The following MAP4K2 variants were observed in gnomAD, a reference collection of about 807,000 sequenced individuals.
The protein encoded by MAP4K2 is mitogen-activated protein kinase kinase kinase kinase 2.
In MAP4K2, 85 loss-of-function variants were observed where a neutral mutation model predicts 125.3. The observed-to-expected ratio is 0.68, with a 90% CI of 0.57 to 0.81. The LOEUF (loss-of-function observed/expected upper bound fraction) is 0.81, where lower values mean the gene tolerates loss of function less well. MAP4K2 is among the 40% of genes least tolerant of loss of function. The pLI is 0.00. For missense variants in MAP4K2, 923 were observed against 1,056.4 expected (o/e 0.87, Z 1.75); for synonymous variants, 479 against 445.1 (o/e 1.08, Z -0.96).
At chr11:64,790,492 G>GC (rs746465394) in intron 27 of MAP4K2, 30 bp from the exon 28 acceptor site, 23 of 1,608,024 alleles carry the variant, frequency 1.4e-5, no homozygotes, top group Non-Finnish European at 1.7e-5. Context: ...ACATGGCCTG[G>GC]CTGAGCCACC....
chr11:64,802,449 CGCAGAACTCCAT>C lies in MAP4K2; in HGVS notation c.268_279del (p.Met90_Cys93del). Reference sequence around the variant, plus strand: ...TAAATCTCCTGCAGGGAGCCCCCTCCGCAGAACTCCATGCAGATCCACAAGCGGTCATTCCTA... The same window carrying C: ...TAAATCTCCTGCAGGGAGCCCCCTCCGCAGATCCACAAGCGGTCATTCCTA... On this transcript the variant is annotated inframe_deletion, in exon 4 of 32. Transcript: ENST00000294066. 6.6e-7 allele frequency: 1 copy of C among 1,505,536 alleles called. No homozygotes were observed. The highest frequency in any genetic ancestry group is 8.9e-7 in the Non-Finnish European group (1 of 1,126,936). The allele number at this position is 1,505,536 out of a possible 1,614,324, so 93.3% of individuals were successfully genotyped here. A position where few individuals can be genotyped will look rare whatever the true frequency, so the allele number is the denominator to read the frequency against.
At position 64,796,339 on chromosome 11, in the gene MAP4K2, C is replaced by T. The variant is rs565633083; in HGVS notation, c.1685G>A (p.Arg562Gln). Reference protein sequence around the residue: ...AHDLPGLFEQRRLQQQVPLSI... With the variant: ...AHDLPGLFEQQRLQQQVPLSI... The stretch of plus-strand genomic sequence containing the variant: ...GAGGGGAACCTGTTGCTGTAGCCTC[C>T]GCTGCTCAAACAGGCCTGGGAGGTC... Residue 562 changes from arginine (R) to glutamine (Q), a missense_variant, in exon 24 of 32, where the codon CGG becomes CAG. Physicochemically the swap from Arg to Gln is conservative, Grantham distance 43 (BLOSUM62 1). Around this residue, in one of 2 missense-constraint regions of MAP4K2, gnomAD observed 833 missense variants for 911.4 expected, o/e 0.91. Coordinates refer to ENST00000294066, the MANE Select transcript of MAP4K2 (RefSeq NM_004579.5). 6 of 1,563,968 alleles carry T rather than the reference C, an allele frequency of 3.8e-6. No individual in the cohort carries two copies. Among genetic ancestry groups the T allele is most frequent in the Non-Finnish European group, 4.3e-6 (5 of 1,154,126 alleles).
Position 64,799,481 on chromosome 11 carries a change from T to C in MAP4K2, c.995-2A>G. 1.2e-6 allele frequency: 2 copies of C among 1,610,828 alleles called. No homozygotes were observed. Among genetic ancestry groups the C allele is most frequent in the Non-Finnish European group, 1.7e-6 (2 of 1,179,072 alleles). On this transcript the variant is annotated splice_acceptor_variant, in intron 13 of 31. Transcript: ENST00000294066. LOFTEE classifies it high-confidence loss of function. ...GGGCGCCAAATTTCACCTGGTGAAC[T>C]GGGGGGCCCAGAGTACAAGAGTGAA...
At chr11:64,799,542 C>T (rs1387714858) in intron 13 of MAP4K2, 63 bp from the exon 14 acceptor site, 1 of 1,612,028 alleles carries the variant, frequency 6.2e-7, no homozygotes, top group African/African-American at 1.3e-5. Context: ...CTACTCACAC[C>T]AAATCCATGT....
intron 15 of MAP4K2, 112 bp downstream of exon 15, chr11:64,798,682 A>G (rs1376818815): frequency 1.8e-6 from 2 of 1,138,166 alleles, no homozygotes; most frequent in Non-Finnish European, 2.6e-6. Context: ...TGATCCACCC[A>G]CCTCAGCCTC....
At position 64,796,545 on chromosome 11, in the gene MAP4K2, T is replaced by C. The variant is rs757280511; in HGVS notation, c.1581A>G (p.Ser527=). ...CGCAGTAGAGCCAGGAGCAGCGATGTGAAATCAGCTGGAGGCCACAGAGGG... is the reference window on the plus strand; with the variant it reads ...CGCAGTAGAGCCAGGAGCAGCGATGCGAAATCAGCTGGAGGCCACAGAGGG... ...LHEDTLEKLI[S]HRCSWLYCVN... The change falls in exon 23 of 32, where the codon TCA becomes TCG. Residue 527 remains serine (S), a synonymous_variant. Coordinates refer to ENST00000294066, the MANE Select transcript of MAP4K2 (RefSeq NM_004579.5). The C allele has an allele frequency of 2.5e-6, 4 of 1,613,774 alleles. No homozygotes were observed. The South Asian group carries it at 4.4e-5, about 18-fold the overall frequency.
Position 64,796,260 on chromosome 11 carries a change from C to G in MAP4K2, c.1751+13G>C. Reference sequence around the variant, plus strand: ...CTCTGCCTCCCGCTCCCTGCACGCCCAAGATCCCTGACCTGGGGATGATGC... The same window carrying G: ...CTCTGCCTCCCGCTCCCTGCACGCCGAAGATCCCTGACCTGGGGATGATGC... On this transcript the variant is annotated intron_variant, in intron 24 of 31. Transcript: ENST00000294066. 6.6e-7 allele frequency: 1 copy of G among 1,522,240 alleles called. No homozygotes were observed. The highest frequency in any genetic ancestry group is 8.8e-7 in the Non-Finnish European group (1 of 1,136,606). 94.3% of individuals were successfully genotyped at this position (1,522,240 alleles called of 1,614,324 possible).
chr11:64,802,833 C>T (rs952136661), intron 2 of MAP4K2, 52 bp downstream of exon 2: 1 of 1,564,572 alleles, frequency 6.4e-7, no homozygotes, highest in Non-Finnish European at 8.7e-7. Flanking sequence ...CACCCCGCGC[C>T]CGCGGGCGCT....
chr11:64,800,292 C>T lies in MAP4K2; in HGVS notation c.807+19G>A. On this transcript the variant is annotated intron_variant, in intron 11 of 31. Coordinates refer to ENST00000294066, the MANE Select transcript of MAP4K2 (RefSeq NM_004579.5). ...TGCTTTTGAGTACTGGGCCTCTCTC[C>T]CGGCCCCCTGCCTCCCACCTGCAGG... The T allele has an allele frequency of 6.2e-7, 1 of 1,613,652 alleles. No individual in the cohort carries two copies. The highest frequency in any genetic ancestry group is 8.5e-7 in the Non-Finnish European group (1 of 1,179,892).
intron 31 of MAP4K2, 27 bp downstream of exon 31, chr11:64,789,703 A>C (rs1009197536): frequency 2.5e-6 from 4 of 1,613,830 alleles, no homozygotes; most frequent in Admixed American, 3.3e-5. Context: ...GGGCATCTGA[A>C]GGGGAGGCTA....
In MAP4K2 at chr11:64,802,819, C is replaced by T. The variant is rs569987843; in HGVS notation, c.154+66G>A. 3.9e-6 allele frequency: 6 copies of T among 1,540,138 alleles called. No individual in the cohort carries two copies. The African/African-American group carries it at 5.5e-5, about 14-fold the overall frequency. On this transcript the variant is annotated intron_variant, in intron 2 of 31. Transcript: ENST00000294066. ...GGGTCTCGGAAACGTCAACCCTCCG[C>T]CCGCACCCCGCGCCCGCGGGCGCTC...
intron 15 of MAP4K2, among the ~76,000 whole-genome samples, chr11:64,798,114 C>A (rs1940940238): frequency 6.6e-6 from 1 of 152,088 alleles, no homozygotes; most frequent in Non-Finnish European, 1.5e-5. Flanking sequence ...ACCTCAGCCA[C>A]CCTAGTAGCT....
chr11:64,800,948 A>G lies in MAP4K2; in HGVS notation c.614T>C (p.Ile205Thr). 1 of 1,614,006 alleles carries G rather than the reference A, an allele frequency of 6.2e-7. No homozygotes were observed. The highest frequency in any genetic ancestry group is 8.5e-7 in the Non-Finnish European group (1 of 1,179,986). ...AGGGGGCTGCAGCTCGCCCAGCTCA[A>G]TGGCAGTGATGCCCAGGGCCCAGAC... ...CDVWALGITA[I>T]ELGELQPPLF... The change falls in exon 9 of 32, where the codon ATT becomes ACT. Residue 205 changes from isoleucine (I) to threonine (T), a missense_variant. By Grantham distance (89) the Ile-to-Thr change is moderately conservative. Around this residue, in one of 2 missense-constraint regions of MAP4K2, gnomAD observed 833 missense variants for 911.4 expected, o/e 0.91. Transcript: ENST00000294066.
Position 64,789,185 on chromosome 11 carries a change from G to T in MAP4K2, c.*352C>A. The T allele has an allele frequency of 2.8e-6, 1 of 352,668 alleles. No homozygotes were observed. Among genetic ancestry groups the T allele is most frequent in the Non-Finnish European group, 5.4e-6 (1 of 186,530 alleles). The allele number at this position is 352,668 out of a possible 1,614,324, so 21.8% of individuals were successfully genotyped here. A position where few individuals can be genotyped will look rare whatever the true frequency, so the allele number is the denominator to read the frequency against. On this transcript the variant is annotated 3_prime_UTR_variant, in exon 32 of 32. Coordinates refer to ENST00000294066, the MANE Select transcript of MAP4K2 (RefSeq NM_004579.5). ...AATATAGTTCTCTCTTAAATACCGT[G>T]TTTCCCAGGACAAATGCAGGGGCAG...
In MAP4K2 at chr11:64,798,838, CTG is replaced by C. The variant is rs759474084; in HGVS notation, c.1054-3_1054-2del. The stretch of plus-strand genomic sequence containing the variant: ...CCAGTAGTGTCCACTCTTCCTCCCA[CTG>C]GGGGAAACCAAGGTAGAGACCGGGG... On this transcript the variant is annotated splice_acceptor_variant and splice_polypyrimidine_tract_variant and intron_variant, in intron 14 of 31. Transcript: ENST00000294066. LOFTEE classifies it high-confidence loss of function. 1 of 1,601,058 alleles carries C rather than the reference CTG, an allele frequency of 6.2e-7. No individual in the cohort carries two copies. Among genetic ancestry groups the C allele is most frequent in the Non-Finnish European group, 8.5e-7 (1 of 1,173,376 alleles).
intron 18 of MAP4K2, 28 bp from the exon 19 acceptor site, chr11:64,797,220 C>T (rs779684564): frequency 6.2e-7 from 1 of 1,609,280 alleles, no homozygotes; most frequent in African/African-American, 1.3e-5. Context: ...CTGTAATTTC[C>T]TGCTGTAGCC....
chr11:64,802,457 T>C lies in MAP4K2; in HGVS notation c.272A>G (p.Glu91Gly). 6.6e-7 allele frequency: 1 copy of C among 1,513,780 alleles called. No individual in the cohort carries two copies. Among genetic ancestry groups the C allele is most frequent in the Non-Finnish European group, 8.8e-7 (1 of 1,130,330 alleles). 93.8% of individuals were successfully genotyped at this position (1,513,780 alleles called of 1,614,324 possible). Residue 91 changes from glutamate to glycine, a missense_variant, in exon 4 of 32, where the codon GAG becomes GGG. Around this residue, in one of 2 missense-constraint regions of MAP4K2, gnomAD observed 833 missense variants for 911.4 expected, o/e 0.91. Transcript: ENST00000294066. ...LRNDRLWICM[E>G]FCGGGSLQEI... ...CTGCAGGGAGCCCCCTCCGCAGAAC[T>C]CCATGCAGATCCACAAGCGGTCATT...
At position 64,796,336 on chromosome 11, in the gene MAP4K2, C is replaced by T; in HGVS notation, c.1688G>A (p.Arg563Lys). 1 of 1,561,228 alleles carries T rather than the reference C, an allele frequency of 6.4e-7. No individual in the cohort carries two copies. Among genetic ancestry groups the T allele is most frequent in the East Asian group, 2.3e-5 (1 of 44,436 alleles). Residue 563 changes from arginine (R) to lysine (K), a missense_variant, in exon 24 of 32, where the codon AGG (arginine) becomes AAG (lysine). Coordinates refer to ENST00000294066, the MANE Select transcript of MAP4K2 (RefSeq NM_004579.5). ...GGAGAGGGGAACCTGTTGCTGTAGCCTCCGCTGCTCAAACAGGCCTGGGAG... is the reference window on the plus strand; with the variant it reads ...GGAGAGGGGAACCTGTTGCTGTAGCTTCCGCTGCTCAAACAGGCCTGGGAG... ...HDLPGLFEQR[R>K]LQQQVPLSIP...
At chr11:64,791,203 A>C (rs935857936) in intron 27 of MAP4K2, among the ~76,000 whole-genome samples, 3 of 152,162 alleles carry the variant, frequency 2.0e-5, no homozygotes, top group Non-Finnish European at 4.4e-5. Context: ...GCCTGGCACC[A>C]GGTGCCTTAA....
Sources: gnomAD v4.1 joint callset for allele counts (sites outside exome capture counted in the v4.1 genomes callset) on GRCh38, gnomAD v4.1.1 for gene constraint, gnomAD v4.1.1 regional missense constraint, MANE v1.5 for transcripts, NCBI Gene and HGNC (gene_info 2026-07-23, HGNC 2026-07-21) for gene names.